CCSER1: variants seen among roughly 807,000 people sequenced by gnomAD.
CCSER1 encodes serine-rich coiled-coil domain-containing protein 1.
Under a neutral mutation model 82.0 loss-of-function variants are expected in CCSER1, and 41 were observed. The observed-to-expected ratio is 0.50, with a 90% CI of 0.39 to 0.65. The LOEUF is 0.65. Ranked by LOEUF, CCSER1 falls within the 30% of genes least tolerant of loss-of-function variation. The pLI is 0.00. For synonymous variants in CCSER1, 414 were observed against 383.9 expected (o/e 1.08, Z -0.92); for missense variants, 1,119 against 1,064.2 (o/e 1.05, Z -0.72).
intron 6 of CCSER1, among the ~76,000 whole-genome samples, chr4:90,684,596 G>A (rs1474177071): frequency 2.6e-5 from 4 of 152,078 alleles, no homozygotes; most frequent in African/African-American, 9.7e-5. Flanking sequence ...AACATAGAAA[G>A]CAATAAAAAG....
At chr4:90,477,528 A>T (rs535452587) in intron 5 of CCSER1, among the ~76,000 whole-genome samples, 4 of 152,210 alleles carry the variant, frequency 2.6e-5, no homozygotes, top group Non-Finnish European at 5.9e-5. Context: ...AAGGGATTGG[A>T]TCTCTAAGAA....
Position 90,703,458 on chromosome 4 carries a change from G to C in CCSER1, c.1933-20456G>C, listed in dbSNP as rs2149287918. On this transcript the variant is annotated intron_variant, in intron 6 of 10. Transcript: ENST00000509176. ...GAATAATGTATATTCTGTTGATTTG[G>C]GGTGGAGAGTTCTGTAGATGTCTAT... Among the ~76,000 whole-genome samples, 3 of 152,284 alleles carry C rather than the reference G, an allele frequency of 2.0e-5. No individual in the cohort carries two copies. The Middle Eastern group carries it at 0.01, about 518-fold the overall frequency.
chr4:90,683,545 GA>G lies in CCSER1; in HGVS notation c.1933-40367del. ...TTGCTAAAAAGCTTAATTATGAAAA[GA>G]ACTTGCAAAAGAAATTAATGACTTT... On this transcript the variant is annotated intron_variant, in intron 6 of 10. Transcript: ENST00000509176. Among the ~76,000 whole-genome samples, 3 of 151,838 alleles carry G rather than the reference GA, an allele frequency of 2.0e-5. No homozygotes were observed. In the East Asian group the frequency reaches 5.8e-4, roughly 29 times the overall value.
intron 10 of CCSER1, among the ~76,000 whole-genome samples, chr4:91,446,692 T>TAAAA (rs1553938733): frequency 4.8e-5 from 7 of 147,074 alleles, no homozygotes; most frequent in African/African-American, 1.7e-4. Flanking sequence ...TATATATATA[T>TAAAA]AATAGTCCTG....
chr4:90,403,227 C>G (rs549724582), intron 4 of CCSER1, among the ~76,000 whole-genome samples: 1 of 151,974 alleles, frequency 6.6e-6, no homozygotes, highest in South Asian at 2.1e-4. Context: ...AGGCCGGGCG[C>G]GGTGGCTCAC....
chr4:90,652,566 C>G (rs979073254), intron 6 of CCSER1, among the ~76,000 whole-genome samples: 4 of 152,076 alleles, frequency 2.6e-5, no homozygotes, highest in African/African-American at 9.7e-5. Flanking sequence ...AGGAAAAGAT[C>G]TAGACCCAAT....
At chr4:91,340,011 G>C (rs935947938) in intron 10 of CCSER1, among the ~76,000 whole-genome samples, 10 of 152,030 alleles carry the variant, frequency 6.6e-5, no homozygotes, top group Non-Finnish European at 1.3e-4. Context: ...CAGCAATTCA[G>C]TAGGCTGAGG....
intron 6 of CCSER1, among the ~76,000 whole-genome samples, chr4:90,698,992 T>G (rs1737512220): frequency 6.6e-6 from 1 of 152,032 alleles, no homozygotes; most frequent in Non-Finnish European, 1.5e-5. Flanking sequence ...TCCCAGCTAC[T>G]CAGGAGACTG....
intron 9 of CCSER1, among the ~76,000 whole-genome samples, chr4:90,983,776 G>A (rs1253171645): frequency 6.6e-6 from 1 of 151,668 alleles, no homozygotes; most frequent in African/African-American, 2.4e-5. Flanking sequence ...TTAACACTCA[G>A]GCATTTTTCT....
chr4:90,259,083 T>G (rs766415176), intron 1 of CCSER1, among the ~76,000 whole-genome samples: 1 of 152,186 alleles, frequency 6.6e-6, no homozygotes, highest in Non-Finnish European at 1.5e-5. Context: ...GTATGGTCAT[T>G]TTCACAATAT....
chr4:91,178,618 A>C (rs950078683), intron 10 of CCSER1, among the ~76,000 whole-genome samples: 1 of 152,172 alleles, frequency 6.6e-6, no homozygotes, highest in East Asian at 1.9e-4. Flanking sequence ...ATCAGAGACT[A>C]GGATTGCAAA....
At chr4:90,988,334 C>CAAAAAAAAAA (rs60408059) in intron 9 of CCSER1, among the ~76,000 whole-genome samples, 46 of 75,382 alleles carry the variant, frequency 6.1e-4, no homozygotes, top group African/African-American at 2.3e-3. Context: ...TATCTTGTCT[C>CAAAAAAAAAA]AAAAAAAAAA....
intron 10 of CCSER1, among the ~76,000 whole-genome samples, chr4:91,436,545 A>G (rs572335251): frequency 6.6e-6 from 1 of 152,240 alleles, no homozygotes. Context: ...GCTTCAAGAC[A>G]TAGAAATGGA....
intron 6 of CCSER1, among the ~76,000 whole-genome samples, chr4:90,639,801 C>A (rs1054397527): frequency 2.0e-4 from 30 of 152,010 alleles, no homozygotes; most frequent in African/African-American, 7.0e-4. Flanking sequence ...TTTCAACATG[C>A]AAATGTATGT....
intron 1 of CCSER1, among the ~76,000 whole-genome samples, chr4:90,142,912 A>G (rs1725061834): frequency 6.6e-6 from 1 of 152,132 alleles, no homozygotes; most frequent in Non-Finnish European, 1.5e-5. Flanking sequence ...TCCCTGTTAT[A>G]TTTATTGCCC....
intron 9 of CCSER1, among the ~76,000 whole-genome samples, chr4:91,050,620 G>A (rs1168323885): frequency 6.6e-6 from 1 of 152,096 alleles, no homozygotes; most frequent in African/African-American, 2.4e-5. Flanking sequence ...GCTTAGCAAA[G>A]TCACTCTGCC....
At chr4:90,651,157 T>C (rs567251275) in intron 6 of CCSER1, among the ~76,000 whole-genome samples, 1 of 152,294 alleles carries the variant, frequency 6.6e-6, no homozygotes, top group South Asian at 2.1e-4. Flanking sequence ...TGTTATTTTC[T>C]CAAAAAATTT....
chr4:91,533,470 TGG>T (rs933517785), intron 10 of CCSER1, among the ~76,000 whole-genome samples: 1 of 152,156 alleles, frequency 6.6e-6, no homozygotes, highest in Non-Finnish European at 1.5e-5. Flanking sequence ...GAATAGGGTA[TGG>T]AAGTTGATTA....
At chr4:91,541,080 G>A (rs548912229) in intron 10 of CCSER1, among the ~76,000 whole-genome samples, 66 of 152,232 alleles carry the variant, frequency 4.3e-4, no homozygotes, top group African/African-American at 1.5e-3. Context: ...TGGCAAAATA[G>A]CTTACTGTTA....
Sources: allele counts gnomAD v4.1 joint callset (sites outside exome capture counted in the v4.1 genomes callset), GRCh38; gene constraint gnomAD v4.1.1; transcripts MANE v1.5; gene names NCBI Gene and HGNC (gene_info 2026-07-23, HGNC 2026-07-21).